Variants in INPP4B observed in about 807,000 individuals in gnomAD.
The protein encoded by INPP4B is inositol polyphosphate-4-phosphatase type II B.
A neutral mutation model predicts 122.5 loss-of-function variants in INPP4B; 55 were observed. The ratio of observed to expected loss-of-function variants is 0.45; its 90% CI spans 0.36 to 0.56. The LOEUF (loss-of-function observed/expected upper bound fraction) is 0.56, where lower values mean the gene tolerates loss of function less well. INPP4B is among the 20% of genes least tolerant of loss of function. The probability of loss-of-function intolerance (pLI) is 0.00; values close to 1 mark genes in which losing one functional copy is unlikely to be tolerated. For missense variants in INPP4B, 1,000 were observed against 1,097.7 expected (o/e 0.91, Z 1.26); for synonymous variants, 403 against 388.7 (o/e 1.04, Z -0.43).
chr4:142,554,365 TAAAA>T (rs11363091), intron 2 of INPP4B, among the ~76,000 whole-genome samples: 56 of 123,476 alleles, frequency 4.5e-4, no homozygotes, highest in Non-Finnish European at 7.3e-4. Flanking sequence ...CTTGCAATAG[TAAAA>T]AAAAAAAAAA....
chr4:142,029,938 C>T (rs374997330), intron 25 of INPP4B: 1 of 1,286,736 alleles, frequency 7.8e-7, no homozygotes, highest in East Asian at 2.9e-5. Context: ...TTTCCATGAA[C>T]AAAAGAGCAA....
intron 2 of INPP4B, among the ~76,000 whole-genome samples, chr4:142,644,615 G>A (rs1751304708): frequency 6.6e-6 from 1 of 151,666 alleles, no homozygotes; most frequent in Non-Finnish European, 1.5e-5. Flanking sequence ...AGAGCAAAGA[G>A]GACAGGTGCA....
chr4:142,209,271 A>T (rs1488276249), intron 12 of INPP4B, among the ~76,000 whole-genome samples: 1 of 152,244 alleles, frequency 6.6e-6, no homozygotes, highest in Non-Finnish European at 1.5e-5. Context: ...AAATTCCCTG[A>T]TAAATTTTTC....
chr4:142,787,173 A>G (rs1217422720), intron 1 of INPP4B, among the ~76,000 whole-genome samples: 1 of 152,180 alleles, frequency 6.6e-6, no homozygotes, highest in Non-Finnish European at 1.5e-5. Context: ...TGTCAGGTTC[A>G]GGATAATAAG....
At chr4:142,737,308 C>T (rs912468743) in intron 1 of INPP4B, among the ~76,000 whole-genome samples, 6 of 152,078 alleles carry the variant, frequency 3.9e-5, no homozygotes, top group Non-Finnish European at 7.3e-5. Flanking sequence ...AATAATGCCA[C>T]ATATCTACAA....
intron 15 of INPP4B, among the ~76,000 whole-genome samples, chr4:142,188,303 C>T (rs906663317): frequency 7.3e-5 from 11 of 151,014 alleles, no homozygotes; most frequent in African/African-American, 9.7e-5. Context: ...CTGGCTAACA[C>T]GGTGAAACCC....
At chr4:142,438,041 G>T (rs889872576) in intron 3 of INPP4B, among the ~76,000 whole-genome samples, 9 of 152,078 alleles carry the variant, frequency 5.9e-5, no homozygotes, top group African/African-American at 2.2e-4. Context: ...ACTGCTCAAG[G>T]TAATACAAGG....
Position 142,026,956 on chromosome 4 carries a change from T to G in INPP4B, c.*1826A>C, listed in dbSNP as rs553045098. On this transcript the variant is annotated 3_prime_UTR_variant, in exon 26 of 26. Coordinates refer to ENST00000262992, the MANE Select transcript of INPP4B (RefSeq NM_001101669.3). ...GGCTTCATAGCTATTCAAGGAGGCC[T>G]CTGTCATCCCAGCCTATCTTAAATC... 2.6e-3 allele frequency: 147 copies of G among 57,562 alleles called. No homozygotes were observed. The highest frequency in any genetic ancestry group is 9.6e-3 in the African/African-American group (140 of 14,610). 3.6% of individuals were successfully genotyped at this position (57,562 alleles called of 1,614,324 possible). A position where few individuals can be genotyped will look rare whatever the true frequency, so the allele number is the denominator to read the frequency against.
chr4:142,250,766 T>G (rs1346157787), intron 11 of INPP4B, among the ~76,000 whole-genome samples: 2 of 152,144 alleles, frequency 1.3e-5, no homozygotes, highest in Admixed American at 1.3e-4. Flanking sequence ...GTGGCAAATA[T>G]CCTAGGTTCT....
chr4:142,275,286 C>G (rs1747838285), intron 9 of INPP4B, among the ~76,000 whole-genome samples: 5 of 151,810 alleles, frequency 3.3e-5, no homozygotes, highest in Admixed American at 3.3e-4. Flanking sequence ...AAGTATTAAA[C>G]AGCAAAATGT....
chr4:142,209,309 T>C (rs1414098652), intron 12 of INPP4B, among the ~76,000 whole-genome samples: 1 of 152,168 alleles, frequency 6.6e-6, no homozygotes, highest in Non-Finnish European at 1.5e-5. Context: ...CCTATTCTTA[T>C]ATACATAGGG....
At chr4:142,469,700 A>C (rs1279621661) in intron 2 of INPP4B, among the ~76,000 whole-genome samples, 2 of 152,186 alleles carry the variant, frequency 1.3e-5, no homozygotes, top group Non-Finnish European at 2.9e-5. Context: ...GCATTTGCTC[A>C]TTCAACAAAT....
At chr4:142,136,144 C>T (rs764518034) in intron 18 of INPP4B, among the ~76,000 whole-genome samples, 1 of 152,092 alleles carries the variant, frequency 6.6e-6, no homozygotes, top group Non-Finnish European at 1.5e-5. Flanking sequence ...GGATGTGGGG[C>T]TACGTGAGTA....
At chr4:142,118,885 A>T (rs1795153670) in intron 21 of INPP4B, among the ~76,000 whole-genome samples, 1 of 152,198 alleles carries the variant, frequency 6.6e-6, no homozygotes, top group East Asian at 1.9e-4. Context: ...AAATTTTTAC[A>T]ATCTATCTAT....
At chr4:142,186,509 A>G (rs1249101830) in intron 15 of INPP4B, among the ~76,000 whole-genome samples, 1 of 152,252 alleles carries the variant, frequency 6.6e-6, no homozygotes, top group East Asian at 1.9e-4. Context: ...CAAGAACATT[A>G]CATTCTCAAC....
chr4:142,387,734 T>C (rs927258083), intron 7 of INPP4B, among the ~76,000 whole-genome samples: 1 of 152,194 alleles, frequency 6.6e-6, no homozygotes, highest in Non-Finnish European at 1.5e-5. Flanking sequence ...GGAAAAAGGA[T>C]TCATGAGGCT....
At chr4:142,811,327 G>C (rs1259379452) in intron 1 of INPP4B, among the ~76,000 whole-genome samples, 1 of 152,190 alleles carries the variant, frequency 6.6e-6, no homozygotes, top group Non-Finnish European at 1.5e-5. Flanking sequence ...TGACAGAGGA[G>C]AGGGCCAAGT....
At position 142,231,860 on chromosome 4, in the gene INPP4B, A is replaced by T. The variant is rs62328253; in HGVS notation, c.836+6004T>A. ...TAAAAAAGAGGTAAAGGGTCAAGTTATTATAAAAAGAAAGTATAGGATTTT... is the reference window on the plus strand; with the variant it reads ...TAAAAAAGAGGTAAAGGGTCAAGTTTTTATAAAAAGAAAGTATAGGATTTT... On this transcript the variant is annotated intron_variant, in intron 12 of 25. Transcript: ENST00000262992. Among the ~76,000 whole-genome samples, 696 of 152,282 alleles carry T rather than the reference A, an allele frequency of 4.6e-3. 2 individuals carry two copies. Among genetic ancestry groups the T allele is most frequent in the Non-Finnish European group, 7.4e-3 (502 of 68,014 alleles).
intron 2 of INPP4B, among the ~76,000 whole-genome samples, chr4:142,573,442 A>C (rs1004457429): frequency 1.3e-5 from 2 of 152,126 alleles, no homozygotes; most frequent in African/African-American, 4.8e-5. Context: ...CAGGAAGAGG[A>C]GAATTTTGTT....
Sources: allele counts gnomAD v4.1 joint callset (sites outside exome capture counted in the v4.1 genomes callset), GRCh38; gene constraint gnomAD v4.1.1; transcripts MANE v1.5; gene names NCBI Gene and HGNC (gene_info 2026-07-23, HGNC 2026-07-21).